TPP1: variants seen among roughly 807,000 people sequenced by gnomAD.
TPP1 encodes the protein tripeptidyl-peptidase 1.
Under a neutral mutation model 67.6 loss-of-function variants are expected in TPP1, and 43 were observed. That is an observed-to-expected ratio of 0.64 (90% CI 0.50 to 0.82). The LOEUF (loss-of-function observed/expected upper bound fraction) is 0.82, where lower values mean the gene tolerates loss of function less well. TPP1 is among the 40% of genes least tolerant of loss of function. TPP1 has a pLI of 0.00. For missense variants in TPP1, 671 were observed against 710.9 expected (o/e 0.94, Z 0.64); for synonymous variants, 272 against 281.5 (o/e 0.97, Z 0.34).
chr11:6,616,242 G>A (rs893758617), intron 8 of TPP1, 73 bp downstream of exon 8: 13 of 1,606,210 alleles, frequency 8.1e-6, no homozygotes, highest in Non-Finnish European at 1.1e-5. Context: ...ACCAGGCTCA[G>A]GGATCACTGT....
Position 6,616,979 on chromosome 11 carries a change from G to A in TPP1, c.683C>T (p.Ala228Val). 6.2e-7 allele frequency: 1 copy of A among 1,614,130 alleles called. No individual in the cohort carries two copies. The highest frequency in any genetic ancestry group is 1.1e-5 in the South Asian group (1 of 91,088). ...SGTSNNSQAC[A>V]QFLEQYFHDS... ...GGGGCTCTTTGCTTGGCTCACCTGGGCACAGGCTTGGCTGTTATTGCTGGT... is the reference window on the plus strand; with the variant it reads ...GGGGCTCTTTGCTTGGCTCACCTGGACACAGGCTTGGCTGTTATTGCTGGT... Residue 228 changes from alanine to valine, a missense_variant, in exon 6 of 13, where the codon GCC becomes GTC. Coordinates refer to ENST00000299427, the MANE Select transcript of TPP1 (RefSeq NM_000391.4).
rs546003291 is a variant in TPP1 at position 6,616,026 on chromosome 11, C to T, written c.1124G>A (p.Arg375His). ...CWSVSGRHQF[R>H]PTFPASSPYV... ...TTACCTGGAGGCAGGGAAGGTAGGG[C>T]GGAACTGGTGTCTTCCAGAGACAGA... Residue 375 changes from arginine to histidine, a missense_variant, in exon 9 of 13, where the codon CGC (arginine) becomes CAC (histidine). Transcript: ENST00000299427. The T allele has an allele frequency of 1.1e-5, 18 of 1,614,172 alleles. No individual in the cohort carries two copies. In the South Asian group the frequency reaches 1.2e-4, roughly 11 times the overall value.
At position 6,616,704 on chromosome 11, in the gene TPP1, C is replaced by T. The variant is rs776489592; in HGVS notation, c.843G>A (p.Met281Ile). ...AGGTGGAGATGTTGGCACCAGCACT[C>T]ATCAGGTACTGCACATCTAGACTGG... ...IEASLDVQYL[M>I]SAGANISTWV... The change falls in exon 7 of 13, where the codon ATG (methionine) becomes ATA (isoleucine). Residue 281 changes from methionine (M) to isoleucine (I), a missense_variant. Physicochemically the swap from Met to Ile is conservative, Grantham distance 10 (BLOSUM62 1). Coordinates refer to ENST00000299427, the MANE Select transcript of TPP1 (RefSeq NM_000391.4). 1 of 1,614,110 alleles carries T rather than the reference C, an allele frequency of 6.2e-7. No individual in the cohort carries two copies. The highest frequency in any genetic ancestry group is 1.7e-5 in the Admixed American group (1 of 60,022).
At chr11:6,619,326 C>A in intron 1 of TPP1, 58 bp downstream of exon 1, 1 of 1,614,158 alleles carries the variant, frequency 6.2e-7, no homozygotes. Context: ...TTCCCACCCT[C>A]CCAATGTGTG....
In TPP1 at chr11:6,617,005, G is replaced by A. The variant is rs773514151; in HGVS notation, c.657C>T (p.Gly219=). ...CACAGGCTTGGCTGTTATTGCTGGTGCCAGAGCCCACGTCTTGTGAGGTCA... is the reference window on the plus strand; with the variant it reads ...CACAGGCTTGGCTGTTATTGCTGGTACCAGAGCCCACGTCTTGTGAGGTCA... The part of the protein sequence containing the change: ...YNLTSQDVGS[G]TSNNSQACAQ... The change falls in exon 6 of 13, where the codon GGC becomes GGT. Residue 219 remains glycine (G), a synonymous_variant. Transcript: ENST00000299427. 5.0e-6 allele frequency: 8 copies of A among 1,614,138 alleles called. 1 individual carries two copies. The South Asian group carries it at 5.5e-5, about 11-fold the overall frequency.
Position 6,617,712 on chromosome 11 carries a change from C to G in TPP1, c.294G>C (p.Thr98=). 1 of 1,614,136 alleles carries G rather than the reference C, an allele frequency of 6.2e-7. No individual in the cohort carries two copies. The highest frequency in any genetic ancestry group is 8.5e-7 in the Non-Finnish European group (1 of 1,180,022). The change falls in exon 4 of 13, where the codon ACG becomes ACC. Residue 98 remains threonine (T), a synonymous_variant. Transcript: ENST00000299427. ...CGGCTGCCAAGAGCCATTTTTGCAC[C>G]GTGTGGAGGGTCAGTGGGGATGGCC... ...LVRPSPLTLH[T]VQKWLLAAGA... is the part of the protein sequence containing the mutation.
rs893758617 is a variant in TPP1, at chr11:6,616,242, G to C, written c.1075+73C>G. 1.9e-6 allele frequency: 3 copies of C among 1,606,210 alleles called. No individual in the cohort carries two copies. The African/African-American group carries it at 4.0e-5, about 21-fold the overall frequency. On this transcript the variant is annotated intron_variant, in intron 8 of 12. Transcript: ENST00000299427. ...GATTATGAGTCAGAGACCAGGCTCAGGGATCACTGTGGAGTCAAAGCTCCC... is the reference window on the plus strand; with the variant it reads ...GATTATGAGTCAGAGACCAGGCTCACGGATCACTGTGGAGTCAAAGCTCCC...
Position 6,614,149 on chromosome 11 carries a change from G to T in TPP1, c.*397C>A, listed in dbSNP as rs1045862829. ...GCACTGGAGGCCATTGTTTCTGGATGTCAGGGTAGGAAAGAGTAAACGGTG... is the reference window on the plus strand; with the variant it reads ...GCACTGGAGGCCATTGTTTCTGGATTTCAGGGTAGGAAAGAGTAAACGGTG... On this transcript the variant is annotated 3_prime_UTR_variant, in exon 13 of 13. Transcript: ENST00000299427. The T allele has an allele frequency of 4.1e-5, 10 of 244,546 alleles. No individual in the cohort carries two copies. The highest frequency in any genetic ancestry group is 6.6e-5 in the Non-Finnish European group (8 of 121,852). 15.1% of individuals were successfully genotyped at this position (244,546 alleles called of 1,614,324 possible).
rs561854371 is a variant in TPP1, at chr11:6,616,739, C to T, written c.808G>A (p.Gly270Arg). The T allele has an allele frequency of 1.5e-5, 24 of 1,614,034 alleles. No homozygotes were observed. The highest frequency in any genetic ancestry group is 8.0e-5 in the African/African-American group (6 of 74,992). Residue 270 changes from glycine to arginine, a missense_variant, in exon 7 of 13, where the codon GGG becomes AGG. By Grantham distance (125) the Gly-to-Arg change is moderately radical (BLOSUM62 -2). Coordinates refer to ENST00000299427, the MANE Select transcript of TPP1 (RefSeq NM_000391.4). ...TGCACATCTAGACTGGCCTCAATCC[C>T]GGCCCGGCCCCGGCCCTGTTGTCCA... is the stretch of plus-strand genomic sequence containing the variant. ...VVGQQGRGRA[G>R]IEASLDVQYL... is the part of the protein sequence containing the mutation.
chr11:6,615,743 CT>C, intron 9 of TPP1, 181 bp from the exon 10 acceptor site: 1 of 841,196 alleles, frequency 1.2e-6, no homozygotes, highest in Non-Finnish European at 1.9e-6. Flanking sequence ...ACTGTGCACA[CT>C]TTTCTCTACA....
rs1469902314 is a variant in TPP1, at chr11:6,619,233, T to G, written c.52A>C (p.Lys18Gln). 6.2e-7 allele frequency: 1 copy of G among 1,614,138 alleles called. No homozygotes were observed. Among genetic ancestry groups the G allele is most frequent in the East Asian group, 2.2e-5 (1 of 44,878 alleles). Reference protein sequence around the residue: ...LGLFALILSGKCSYSPEPDQR... With the variant: ...LGLFALILSGQCSYSPEPDQR... The stretch of plus-strand genomic sequence containing the variant: ...TCGGGCTCCGGGCTGTAACTGCATT[T>G]GCCAGAGAGGATGAGGGCAAAGAGC... The change falls in exon 2 of 13, where the codon AAA (lysine) becomes CAA (glutamine). Residue 18 changes from lysine (K) to glutamine (Q), a missense_variant. Lys to Gln is a moderately conservative substitution (Grantham distance 53). Transcript: ENST00000299427.
Position 6,616,323 on chromosome 11 carries a change from A to C in TPP1, c.1067T>G (p.Phe356Cys), listed in dbSNP as rs1855583635. The C allele has an allele frequency of 6.2e-7, 1 of 1,613,042 alleles. No individual in the cohort carries two copies. The highest frequency in any genetic ancestry group is 8.5e-7 in the Non-Finnish European group (1 of 1,179,926). Residue 356 changes from phenylalanine (F) to cysteine (C), a missense_variant, in exon 8 of 13, where the codon TTC (phenylalanine) becomes TGC (cysteine). Phe to Cys is a radical substitution (Grantham distance 205, BLOSUM62 -2). Coordinates refer to ENST00000299427, the MANE Select transcript of TPP1 (RefSeq NM_000391.4). ...KAAARGLTLL[F>C]ASGDSGAGCW... ...TTAGGGTAGGAGGTCACCTGAGGCGAAGAGCAGGGTGAGACCCCGAGCGGC... is the reference window on the plus strand; with the variant it reads ...TTAGGGTAGGAGGTCACCTGAGGCGCAGAGCAGGGTGAGACCCCGAGCGGC...
rs1481131397 is a variant in TPP1 at position 6,617,069 on chromosome 11, A to G, written c.593T>C (p.Leu198Pro). The change falls in exon 6 of 13, where the codon CTG (leucine) becomes CCG (proline). Residue 198 changes from leucine to proline, a missense_variant. Leu to Pro is a moderately conservative substitution (Grantham distance 98). Transcript: ENST00000299427. ...ACGGATCACAGAGGGGGTTACCCCC[A>G]GATGCAGGCCTACAGTCCCTGTCAC... ...PQVTGTVGLH[L>P]GVTPSVIRKR... 5 of 1,614,026 alleles carry G rather than the reference A, an allele frequency of 3.1e-6. No homozygotes were observed. In the African/African-American group the frequency reaches 4.0e-5, roughly 13 times the overall value.
intron 3 of TPP1, chr11:6,618,114 T>A (rs1327351500): frequency 2.5e-6 from 1 of 396,360 alleles, no homozygotes; most frequent in Non-Finnish European, 4.7e-6. Context: ...TTTTCAAATC[T>A]TTCGGTACCA....
Position 6,617,796 on chromosome 11 carries a change from G to A in TPP1, c.230-20C>T, listed in dbSNP as rs761017539. The A allele has an allele frequency of 3.7e-6, 6 of 1,614,100 alleles. No individual in the cohort carries two copies. In the Admixed American group the frequency reaches 1.0e-4, roughly 27 times the overall value. On this transcript the variant is annotated intron_variant, in intron 3 of 12. Coordinates refer to ENST00000299427, the MANE Select transcript of TPP1 (RefSeq NM_000391.4). Reference sequence around the variant, plus strand: ...ATTTTCCTGCAGGGATTCAGAAGAGGCACTTGCCCTCATTCATTGCTTTCC... The same window carrying A: ...ATTTTCCTGCAGGGATTCAGAAGAGACACTTGCCCTCATTCATTGCTTTCC...
chr11:6,615,699 G>T, intron 9 of TPP1, 137 bp from the exon 10 acceptor site: 1 of 1,181,986 alleles, frequency 8.5e-7, no homozygotes. Context: ...GATTGACTAA[G>T]AGATTTTGAG....
chr11:6,618,974 T>C, intron 2 of TPP1, 59 bp from the exon 3 acceptor site: 1 of 1,604,508 alleles, frequency 6.2e-7, no homozygotes, highest in Non-Finnish European at 8.5e-7. Flanking sequence ...AAAATATTGG[T>C]CATGGAAGGT....
At chr11:6,616,218 AT>A in intron 8 of TPP1, 96 bp downstream of exon 8, 5 of 1,595,656 alleles carry the variant, frequency 3.1e-6, no homozygotes, top group Non-Finnish European at 4.3e-6. Context: ...CTGAGTTCAG[AT>A]TATGAGTCAG....
chr11:6,615,377 T>C (rs1481495034), intron 10 of TPP1, 48 bp from the exon 11 acceptor site: 1 of 1,613,970 alleles, frequency 6.2e-7, no homozygotes, highest in African/African-American at 1.3e-5. Flanking sequence ...TGCCCAGCAG[T>C]CAGCTGAACT....
Sources: gnomAD v4.1 joint callset for allele counts on GRCh38, gnomAD v4.1.1 for gene constraint, MANE v1.5 for transcripts, NCBI Gene and HGNC (gene_info 2026-07-23, HGNC 2026-07-21) for gene names.